CCDC158: variants seen among roughly 807,000 people sequenced by gnomAD.
CCDC158 encodes the protein coiled-coil domain-containing protein 158.
In CCDC158, 116 loss-of-function variants were observed where a neutral mutation model predicts 138.6. That is an observed-to-expected ratio of 0.84 (90% CI 0.72 to 0.98). The LOEUF is 0.98. CCDC158 is among the 50% of genes least tolerant of loss of function. The probability of loss-of-function intolerance (pLI) is 0.00; values close to 1 mark genes in which losing one functional copy is unlikely to be tolerated. For synonymous variants in CCDC158, 436 were observed against 442.4 expected (o/e 0.99, Z 0.18); for missense variants, 1,265 against 1,306.1 (o/e 0.97, Z 0.48).
chr4:76,363,276 G>T lies in CCDC158; in HGVS notation c.1831-961C>A, dbSNP rs148164685. On this transcript the variant is annotated intron_variant, in intron 12 of 24. Transcript: ENST00000682701. ...TTGACAGATGTTGTCACGGTGTCTT[G>T]CTGGGGCAGGGGGTGGAGTAGGAAG... Among the ~76,000 whole-genome samples, 682 of 152,288 alleles carry T rather than the reference G, an allele frequency of 4.5e-3. 3 individuals are homozygous for T. Among genetic ancestry groups the T allele is most frequent in the African/African-American group, 0.015 (621 of 41,550 alleles).
intron 20 of CCDC158, 80 bp from the exon 21 acceptor site, chr4:76,331,483 A>G (rs1721007331): frequency 1.7e-6 from 2 of 1,186,598 alleles, no homozygotes; most frequent in Non-Finnish European, 2.5e-6. Context: ...TGTGAGAAAA[A>G]TAATGTATTC....
chr4:76,388,875 G>T (rs1727061657), intron 4 of CCDC158, among the ~76,000 whole-genome samples: 1 of 152,144 alleles, frequency 6.6e-6, no homozygotes. Context: ...GTAATCCAGA[G>T]AATTCTTCCA....
At position 76,369,520 on chromosome 4, in the gene CCDC158, C is replaced by T. The variant is rs1422474032; in HGVS notation, c.1253G>A (p.Arg418Gln). The change falls in exon 11 of 25, where the codon CGG (arginine) becomes CAG (glutamine). Residue 418 changes from arginine (R) to glutamine (Q), a missense_variant. Arg to Gln is a conservative substitution (Grantham distance 43, BLOSUM62 1). Transcript: ENST00000682701. ...CATGTTCCGGTTGTCCAGTTCCCGCCGCAGGTGGTCAATGGTGATGCTGTT... is the reference window on the plus strand; with the variant it reads ...CATGTTCCGGTTGTCCAGTTCCCGCTGCAGGTGGTCAATGGTGATGCTGTT... ...TGNSITIDHL[R>Q]RELDNRNMEV... The T allele has an allele frequency of 1.1e-5, 17 of 1,614,174 alleles. No homozygotes were observed. The highest frequency in any genetic ancestry group is 6.7e-5 in the East Asian group (3 of 44,872).
At chr4:76,387,292 C>T (rs1440025008) in intron 4 of CCDC158, among the ~76,000 whole-genome samples, 2 of 152,114 alleles carry the variant, frequency 1.3e-5, no homozygotes, top group Admixed American at 6.5e-5. Context: ...CCAAGCCCTA[C>T]CTCCCAGACA....
At position 76,346,991 on chromosome 4, in the gene CCDC158, C is replaced by A. The variant is rs893046394; in HGVS notation, c.2664+4005G>T. On this transcript the variant is annotated intron_variant, in intron 18 of 24. Coordinates refer to ENST00000682701, the MANE Select transcript of CCDC158 (RefSeq NM_001394954.1). The stretch of plus-strand genomic sequence containing the variant: ...AACCAAAATGAGATACCATCTCATG[C>A]CAGTTAGAATGGCGATCTTAAAAAG... Among the ~76,000 whole-genome samples the A allele has an allele frequency of 3.3e-5, 5 of 152,162 alleles. No individual in the cohort carries two copies. In the South Asian group the frequency reaches 1.0e-3, roughly 32 times the overall value.
At chr4:76,389,569 C>A (rs1311545433) in intron 4 of CCDC158, among the ~76,000 whole-genome samples, 1 of 152,132 alleles carries the variant, frequency 6.6e-6, no homozygotes, top group Non-Finnish European at 1.5e-5. Context: ...TATCAGAGAA[C>A]TTCCCAAACC....
At chr4:76,388,855 T>C (rs1337672343) in intron 4 of CCDC158, among the ~76,000 whole-genome samples, 2 of 151,644 alleles carry the variant, frequency 1.3e-5, no homozygotes, top group Non-Finnish European at 2.9e-5. Flanking sequence ...AGAACAAGAG[T>C]GTCTGCCTGG....
chr4:76,371,980 AG>A (rs1371202680), intron 9 of CCDC158, among the ~76,000 whole-genome samples: 1 of 150,894 alleles, frequency 6.6e-6, no homozygotes, highest in Non-Finnish European at 1.5e-5. Flanking sequence ...TGTCTTGTAA[AG>A]TTTTTTTTTT....
intron 4 of CCDC158, among the ~76,000 whole-genome samples, 191 bp from the exon 5 acceptor site, chr4:76,384,856 A>G (rs552532381): frequency 1.2e-4 from 18 of 152,340 alleles, no homozygotes; most frequent in Admixed American, 8.5e-4. Flanking sequence ...GTCTCCCTGT[A>G]TCAAGCTTGA....
intron 18 of CCDC158, among the ~76,000 whole-genome samples, chr4:76,347,700 G>A (rs558256304): frequency 3.9e-5 from 6 of 152,154 alleles, no homozygotes; most frequent in East Asian, 1.9e-4. Context: ...AGAAGTTAAA[G>A]TATAATTTTT....
At chr4:76,398,369 A>C (rs1011978943) in intron 3 of CCDC158, among the ~76,000 whole-genome samples, 1 of 152,166 alleles carries the variant, frequency 6.6e-6, no homozygotes, top group African/African-American at 2.4e-5. Flanking sequence ...GTAGGCTGTA[A>C]AAGTATATAT....
rs11931748 is a variant in CCDC158 at position 76,327,921 on chromosome 4, C to T, written c.3010+979G>A. ...TTACGTGTCTGTTGGTTTGCCTTTG[C>T]CTTCCAAATCTAACATATTCTGTAT... On this transcript the variant is annotated intron_variant, in intron 22 of 24. Transcript: ENST00000682701. Among the ~76,000 whole-genome samples the T allele has an allele frequency of 8.4e-3, 1,282 of 152,226 alleles. 18 individuals carry two copies. The highest frequency in any genetic ancestry group is 0.029 in the African/African-American group (1,223 of 41,522).
intron 18 of CCDC158, chr4:76,344,874 C>A: frequency 6.4e-7 from 1 of 1,570,442 alleles, no homozygotes; most frequent in African/African-American, 1.3e-5. Flanking sequence ...CAAGATGAAA[C>A]AAGAACTGGA....
intron 8 of CCDC158, among the ~76,000 whole-genome samples, chr4:76,379,828 C>T (rs1726064074): frequency 6.6e-6 from 1 of 151,724 alleles, no homozygotes; most frequent in East Asian, 1.9e-4. Context: ...AATTGTAATC[C>T]CCACATGTCA....
chr4:76,390,226 G>A (rs1727191404), intron 4 of CCDC158, among the ~76,000 whole-genome samples: 1 of 152,086 alleles, frequency 6.6e-6, no homozygotes, highest in South Asian at 2.1e-4. Flanking sequence ...AAAGTGTAGA[G>A]TTTGTATTAG....
chr4:76,316,532 T>G (rs1032511432), intron 24 of CCDC158, among the ~76,000 whole-genome samples: 2 of 152,086 alleles, frequency 1.3e-5, no homozygotes, highest in African/African-American at 4.8e-5. Context: ...TCTAGAAAAC[T>G]TATTTAAGGG....
At chr4:76,347,605 T>C (rs975588600) in intron 18 of CCDC158, among the ~76,000 whole-genome samples, 2 of 152,088 alleles carry the variant, frequency 1.3e-5, no homozygotes, top group Non-Finnish European at 2.9e-5. Context: ...ATACCTAATG[T>C]AGATGACGGG....
chr4:76,374,359 G>A (rs115900259), intron 9 of CCDC158, among the ~76,000 whole-genome samples: 124 of 152,258 alleles, frequency 8.1e-4, no homozygotes, highest in African/African-American at 3.0e-3. Flanking sequence ...ACAGTAAGGG[G>A]AAGAAACACA....
At chr4:76,378,621 C>A (rs369400990) in intron 9 of CCDC158, among the ~76,000 whole-genome samples, 3 of 152,074 alleles carry the variant, frequency 2.0e-5, no homozygotes. Context: ...GAATGAAGAC[C>A]ACCACTCCTC....
Sources: gnomAD v4.1 joint callset for allele counts (sites outside exome capture counted in the v4.1 genomes callset) on GRCh38, gnomAD v4.1.1 for gene constraint, MANE v1.5 for transcripts, NCBI Gene and HGNC (gene_info 2026-07-23, HGNC 2026-07-21) for gene names.